FBN3: variants seen among roughly 807,000 people sequenced by gnomAD.
The protein encoded by FBN3 is fibrillin 3.
In FBN3, 234 loss-of-function variants were observed where a neutral mutation model predicts 330.1. The observed-to-expected ratio is 0.71, with a 90% CI of 0.64 to 0.79. The LOEUF is 0.79. FBN3 is among the 30% of genes least tolerant of loss of function. The probability of loss-of-function intolerance (pLI) is 0.00; values close to 1 mark genes in which losing one functional copy is unlikely to be tolerated. For synonymous variants in FBN3, 1,458 were observed against 1,517.3 expected, an observed-to-expected ratio of 0.96 and a Z score of 0.91; for missense variants, 3,606 against 3,886.9, an observed-to-expected ratio of 0.93 and a Z score of 1.92.
Position 8,108,240 on chromosome 19 carries a change from T to A in FBN3, c.4619-2A>T. On this transcript the variant is annotated splice_acceptor_variant, in intron 36 of 63. Coordinates refer to ENST00000600128, the MANE Select transcript of FBN3 (RefSeq NM_032447.5). LOFTEE classifies it high-confidence loss of function. Reference sequence around the variant, plus strand: ...CCGGGCACAGGGTTCTGTACTCAGCTGTAAAGGGAAACAGGCTCCTGTGAG... The same window carrying A: ...CCGGGCACAGGGTTCTGTACTCAGCAGTAAAGGGAAACAGGCTCCTGTGAG... 1 of 1,606,684 alleles carries A rather than the reference T, an allele frequency of 6.2e-7. No homozygotes were observed. The highest frequency in any genetic ancestry group is 1.1e-5 in the South Asian group (1 of 89,886).
intron 40 of FBN3, among the ~76,000 whole-genome samples, chr19:8,101,472 C>T (rs1462281534): frequency 6.6e-6 from 1 of 152,200 alleles, no homozygotes; most frequent in Non-Finnish European, 1.5e-5. Context: ...CTGTTCAGTC[C>T]TGCCTCCAGG....
rs764522835 is a variant in FBN3 at position 8,081,413 on chromosome 19, G to A, written c.7281C>T (p.Phe2427=). Residue 2427 remains phenylalanine, a synonymous_variant, in exon 58 of 64, where the codon TTC becomes TTT. Transcript: ENST00000600128. ...TFLCKNTKGS[F]LCSCPRGYLL... is the part of the protein sequence containing the mutation. The stretch of plus-strand genomic sequence containing the variant: ...GGTAGCCTCGGGGACAGCTGCACAG[G>A]AAACTGCCCTTCGTGTTTTTGCAGA... The A allele has an allele frequency of 2.5e-6, 4 of 1,612,708 alleles. No individual in the cohort carries two copies.
chr19:8,122,770 T>A (rs1292192963), intron 24 of FBN3, among the ~76,000 whole-genome samples: 2 of 151,394 alleles, frequency 1.3e-5, no homozygotes, highest in East Asian at 3.9e-4. Flanking sequence ...GTTCACGCCA[T>A]TCTCCTGCCT....
intron 59 of FBN3, among the ~76,000 whole-genome samples, chr19:8,080,404 G>C (rs2081748492): frequency 6.6e-6 from 1 of 152,204 alleles, no homozygotes; most frequent in South Asian, 2.1e-4. Flanking sequence ...GTGAGACCTG[G>C]GATTTCAGGA....
rs1376413649 is a variant in FBN3, at chr19:8,074,953, G to A, written c.7702+118C>T. The A allele has an allele frequency of 7.9e-6, 11 of 1,399,488 alleles. No homozygotes were observed. In the South Asian group the frequency reaches 1.3e-4, roughly 16 times the overall value. The allele number at this position is 1,399,488 out of a possible 1,614,324, so 86.7% of individuals were successfully genotyped here. On this transcript the variant is annotated intron_variant, in intron 61 of 63. Transcript: ENST00000600128. Reference sequence around the variant, plus strand: ...AACTCACTACCTTCTGGGCTGGCCTGTTCAATCTTTAGATAATTGTGCTTG... The same window carrying A: ...AACTCACTACCTTCTGGGCTGGCCTATTCAATCTTTAGATAATTGTGCTTG...
chr19:8,123,988 A>G lies in FBN3; in HGVS notation c.2752T>C (p.Phe918Leu). Residue 918 changes from phenylalanine (F) to leucine (L), a missense_variant, in exon 23 of 64, where the codon TTC (phenylalanine) becomes CTC (leucine). Physicochemically the swap from Phe to Leu is conservative, Grantham distance 22 (BLOSUM62 0). Coordinates refer to ENST00000600128, the MANE Select transcript of FBN3 (RefSeq NM_032447.5). ...LCVDVRLEPC[F>L]LRWDEDECGV... ...CACTCATCCTCATCCCATCGCAGGA[A>G]ACATGGTTCCAATCTCACATCTGCA... 6.2e-7 allele frequency: 1 copy of G among 1,613,926 alleles called. No homozygotes were observed. The highest frequency in any genetic ancestry group is 8.5e-7 in the Non-Finnish European group (1 of 1,179,976).
chr19:8,115,660 G>A lies in FBN3; in HGVS notation c.3713-20C>T. 6.2e-7 allele frequency: 1 copy of A among 1,613,306 alleles called. No homozygotes were observed. Among genetic ancestry groups the A allele is most frequent in the Non-Finnish European group, 8.5e-7 (1 of 1,179,426 alleles). ...CCACATCTGTTGGGGAAGAGAGCATGAGGTCTGAGGACTGGGTGCAGGGGT... is the reference window on the plus strand; with the variant it reads ...CCACATCTGTTGGGGAAGAGAGCATAAGGTCTGAGGACTGGGTGCAGGGGT... On this transcript the variant is annotated intron_variant, in intron 29 of 63. Coordinates refer to ENST00000600128, the MANE Select transcript of FBN3 (RefSeq NM_032447.5).
At chr19:8,148,235 G>T (rs563850628) in intron 1 of FBN3, among the ~76,000 whole-genome samples, 1 of 152,070 alleles carries the variant, frequency 6.6e-6, no homozygotes, top group African/African-American at 2.4e-5. Context: ...ACCCTTAGCC[G>T]CAAGACCCTT....
chr19:8,085,209 G>T (rs1156556354), intron 56 of FBN3, among the ~76,000 whole-genome samples, 154 bp downstream of exon 56: 1 of 123,400 alleles, frequency 8.1e-6, no homozygotes, highest in East Asian at 2.4e-4. Flanking sequence ...TCTCATATCT[G>T]CTAGCACAAA....
intron 37 of FBN3, among the ~76,000 whole-genome samples, chr19:8,107,248 T>C (rs1032631373): frequency 8.0e-6 from 1 of 125,314 alleles, no homozygotes; most frequent in Non-Finnish European, 1.6e-5. Context: ...GATGGAAGGA[T>C]GGGTGGATGG....
At chr19:8,097,121 G>A in intron 42 of FBN3, 115 bp from the exon 43 acceptor site, 4 of 1,500,328 alleles carry the variant, frequency 2.7e-6, no homozygotes, top group Non-Finnish European at 3.6e-6. Flanking sequence ...AGCAGCCAGA[G>A]CTGGAGTAAG....
In FBN3 at chr19:8,134,976, A is replaced by G. The variant is rs1428047375; in HGVS notation, c.1591+985T>C. On this transcript the variant is annotated intron_variant, in intron 13 of 63. Transcript: ENST00000600128. ...ATAAATATAAATATATATATTTTAC[A>G]TATATATATATATATTTTTTGAAAC... is the stretch of plus-strand genomic sequence containing the variant. Among the ~76,000 whole-genome samples, 5 of 146,176 alleles carry G rather than the reference A, an allele frequency of 3.4e-5. No homozygotes were observed. The South Asian group carries it at 6.4e-4, about 19-fold the overall frequency.
Position 8,144,865 on chromosome 19 carries a change from C to A in FBN3, c.541+12G>T, listed in dbSNP as rs928621655. The stretch of plus-strand genomic sequence containing the variant: ...GTCCCCTGTCTACCTCCCACCCGCG[C>A]ATGCTTGGTACCTCTCTCACATTGA... On this transcript the variant is annotated intron_variant, in intron 6 of 63. Transcript: ENST00000600128. 39 of 1,591,196 alleles carry A rather than the reference C, an allele frequency of 2.5e-5. No homozygotes were observed. The highest frequency in any genetic ancestry group is 1.7e-4 in the Middle Eastern group (1 of 6,044).
intron 57 of FBN3, among the ~76,000 whole-genome samples, chr19:8,082,527 T>C (rs2081828142): frequency 6.6e-6 from 1 of 151,248 alleles, no homozygotes; most frequent in South Asian, 2.1e-4. Context: ...AGAGTCTCAC[T>C]CTGTTGTCCA....
chr19:8,086,135 G>C (rs1465499179), intron 55 of FBN3, 65 bp downstream of exon 55: 3 of 1,246,330 alleles, frequency 2.4e-6, no homozygotes, highest in Non-Finnish European at 3.3e-6. Flanking sequence ...GCAGTGGGGG[G>C]GGACAGGCAG....
In FBN3 at chr19:8,081,062, A is replaced by T. The variant is rs752574249; in HGVS notation, c.7394T>A (p.Val2465Glu). 2 of 1,613,602 alleles carry T rather than the reference A, an allele frequency of 1.2e-6. No individual in the cohort carries two copies. The highest frequency in any genetic ancestry group is 3.3e-5 in the Admixed American group (2 of 60,030). ...HNCQFLCVNTVGAFTCRCPPG... is the reference protein window; with the variant it reads ...HNCQFLCVNTEGAFTCRCPPG... ...CGGACAGCGGCAGGTGAAGGCGCCC[A>T]CAGTGTTGACACAGAGGAACTGACA... is the stretch of plus-strand genomic sequence containing the variant. The change falls in exon 59 of 64, where the codon GTG becomes GAG. Residue 2465 changes from valine (V) to glutamate (E), a missense_variant. By Grantham distance (121) the Val-to-Glu change is moderately radical. Coordinates refer to ENST00000600128, the MANE Select transcript of FBN3 (RefSeq NM_032447.5).
intron 21 of FBN3, 27 bp from the exon 22 acceptor site, chr19:8,126,044 G>A: frequency 6.2e-7 from 1 of 1,613,676 alleles, no homozygotes; most frequent in Non-Finnish European, 8.5e-7. Context: ...GAAAGCCGGA[G>A]GGTCCAGGGA....
chr19:8,118,454 T>C (rs1349176955), intron 26 of FBN3, among the ~76,000 whole-genome samples: 1 of 152,172 alleles, frequency 6.6e-6, no homozygotes, highest in Non-Finnish European at 1.5e-5. Context: ...ACTGGGACCC[T>C]GTCTCAAACA....
Position 8,116,732 on chromosome 19 carries a change from A to T in FBN3, c.3654T>A (p.Gly1218=). 1 of 1,613,588 alleles carries T rather than the reference A, an allele frequency of 6.2e-7. No individual in the cohort carries two copies. The highest frequency in any genetic ancestry group is 2.2e-5 in the East Asian group (1 of 44,854). The change falls in exon 29 of 64, where the codon GGT becomes GGA. Residue 1218 remains glycine, a synonymous_variant. Transcript: ENST00000600128. ...DQGHCTNMPG[G]HRCLCYDGFM... ...AGCCATCATAGCACAGGCAGCGGTG[A>T]CCCCCTGGCATGTTGGTGCAGTGGC...
Sources: allele counts gnomAD v4.1 joint callset (sites outside exome capture counted in the v4.1 genomes callset), GRCh38; gene constraint gnomAD v4.1.1; transcripts MANE v1.5; gene names NCBI Gene and HGNC (gene_info 2026-07-23, HGNC 2026-07-21).